The following KCNMA1 variants were observed in gnomAD, a reference collection of about 807,000 sequenced individuals.
The protein encoded by KCNMA1 is potassium calcium-activated channel subfamily M alpha 1, also known as Calcium-activated potassium channel subunit alpha-1.
KCNMA1 carries 29 observed loss-of-function variants against 140.0 expected under a neutral mutation model. That is an observed-to-expected ratio of 0.21 (90% CI 0.15 to 0.28). The LOEUF is 0.28. KCNMA1 is among the 10% of genes least tolerant of loss of function. KCNMA1 has a pLI of 1.00. For synonymous variants in KCNMA1, 612 were observed against 611.9 expected, an observed-to-expected ratio of 1.00 and a Z score of 0.00; for missense variants, 880 against 1,602.2, an observed-to-expected ratio of 0.55 and a Z score of 7.70.
intron 1 of KCNMA1, among the ~76,000 whole-genome samples, chr10:77,494,982 T>C (rs765768308): frequency 2.0e-5 from 3 of 152,226 alleles, no homozygotes; most frequent in Admixed American, 6.5e-5. Context: ...TTTATAAATA[T>C]GACACCAGTT....
chr10:77,409,480 G>A (rs1443680368), intron 1 of KCNMA1, among the ~76,000 whole-genome samples: 2 of 152,132 alleles, frequency 1.3e-5, no homozygotes, highest in Non-Finnish European at 2.9e-5. Flanking sequence ...TAAGACAATT[G>A]CTCCAAATCT....
intron 1 of KCNMA1, among the ~76,000 whole-genome samples, chr10:77,510,197 A>G (rs1440327201): frequency 6.6e-6 from 1 of 151,678 alleles, no homozygotes; most frequent in Admixed American, 6.6e-5. Context: ...CCTGGACCTC[A>G]GATTGCTCAT....
At chr10:77,600,078 T>C (rs2082158862) in intron 1 of KCNMA1, among the ~76,000 whole-genome samples, 2 of 152,196 alleles carry the variant, frequency 1.3e-5, no homozygotes, top group Non-Finnish European at 2.9e-5. Flanking sequence ...GCATCATTTT[T>C]TCAGGATGAG....
intron 1 of KCNMA1, among the ~76,000 whole-genome samples, chr10:77,602,202 G>A (rs2082878515): frequency 6.6e-6 from 1 of 152,138 alleles, no homozygotes; most frequent in Non-Finnish European, 1.5e-5. Flanking sequence ...GGGGGAGACG[G>A]GGATGCGCTT....
At chr10:77,163,972 T>G (rs1261247557) in intron 5 of KCNMA1, among the ~76,000 whole-genome samples, 2 of 152,108 alleles carry the variant, frequency 1.3e-5, no homozygotes, top group Admixed American at 6.6e-5. Context: ...ATTAATTCAT[T>G]AGGAGAAGAA....
chr10:76,895,559 G>T (rs955880829), intron 25 of KCNMA1, among the ~76,000 whole-genome samples: 3 of 152,156 alleles, frequency 2.0e-5, no homozygotes, highest in African/African-American at 7.2e-5. Flanking sequence ...GCTAATGAAT[G>T]CATGCACAAA....
intron 2 of KCNMA1, among the ~76,000 whole-genome samples, chr10:77,379,200 T>C (rs1293100704): frequency 6.6e-6 from 1 of 152,238 alleles, no homozygotes; most frequent in African/African-American, 2.4e-5. Context: ...GACGGAATTC[T>C]GAGCCTTTTT....
intron 1 of KCNMA1, among the ~76,000 whole-genome samples, chr10:77,537,156 G>A (rs1018257740): frequency 1.3e-5 from 2 of 152,182 alleles, no homozygotes; most frequent in Non-Finnish European, 2.9e-5. Flanking sequence ...GACAGGAACT[G>A]TGTCACCTAA....
chr10:77,011,620 G>A (rs888068505), intron 18 of KCNMA1, among the ~76,000 whole-genome samples: 3 of 152,090 alleles, frequency 2.0e-5, no homozygotes, highest in South Asian at 2.1e-4. Flanking sequence ...TGGAAATCAC[G>A]ATACAAAAAC....
intron 1 of KCNMA1, among the ~76,000 whole-genome samples, chr10:77,496,232 G>C (rs1180200160): frequency 6.6e-6 from 1 of 152,108 alleles, no homozygotes; most frequent in Non-Finnish European, 1.5e-5. Context: ...CTCACCAGGT[G>C]CGGGTCTTCA....
chr10:77,090,570 C>A, intron 9 of KCNMA1, 60 bp from the exon 10 acceptor site: 2 of 1,120,492 alleles, frequency 1.8e-6, no homozygotes, highest in South Asian at 2.5e-5. Context: ...TGCATCCCAC[C>A]CCCTGGCAAG....
chr10:77,082,340 T>A (rs2096601154), intron 12 of KCNMA1, among the ~76,000 whole-genome samples: 1 of 152,126 alleles, frequency 6.6e-6, no homozygotes, highest in Non-Finnish European at 1.5e-5. Flanking sequence ...GACCAGTAAT[T>A]TCTATGCCTC....
intron 1 of KCNMA1, among the ~76,000 whole-genome samples, chr10:77,427,141 T>G (rs985721094): frequency 7.9e-5 from 12 of 152,220 alleles, no homozygotes; most frequent in African/African-American, 2.7e-4. Flanking sequence ...CAGCCCTTCC[T>G]GGTGCACATC....
At chr10:77,547,133 G>T (rs564707728) in intron 1 of KCNMA1, among the ~76,000 whole-genome samples, 33 of 152,312 alleles carry the variant, frequency 2.2e-4, no homozygotes, top group African/African-American at 7.9e-4. Context: ...CAAAATGAAA[G>T]ATGCTAATAG....
chr10:77,633,308 C>T lies in KCNMA1; in HGVS notation c.378+3957G>A, dbSNP rs562457237. Among the ~76,000 whole-genome samples the T allele has an allele frequency of 2.0e-5, 3 of 151,786 alleles. 1 individual carries two copies. The South Asian group carries it at 6.2e-4, about 32-fold the overall frequency. The stretch of plus-strand genomic sequence containing the variant: ...CCAGCCTGGGTGACAGAGCGAGACT[C>T]CATCTCAAAAAAAAAAATTAATAAA... On this transcript the variant is annotated intron_variant, in intron 1 of 27. Transcript: ENST00000286628.
At position 77,152,278 on chromosome 10, in the gene KCNMA1, T is replaced by TTGTGTGTG. The variant is rs72088425; in HGVS notation, c.808+31135_808+31142dup. Among the ~76,000 whole-genome samples the TTGTGTGTG allele has an allele frequency of 3.2e-3, 314 of 99,172 alleles. 1 individual carries two copies. The highest frequency in any genetic ancestry group is 0.013 in the Middle Eastern group (3 of 226). The allele number at this position is 99,172 out of a possible 152,430, so 65.1% of individuals were successfully genotyped here. Reference sequence around the variant, plus strand: ...TGGAGACTCTTCTGTTTTTTTGCTTTTGTGTGTGTGTGTGTGTGTGTGTGT... The same window carrying TTGTGTGTG: ...TGGAGACTCTTCTGTTTTTTTGCTTTTGTGTGTGTGTGTGTGTGTGTGTGTGTGTGTGT... On this transcript the variant is annotated intron_variant, in intron 5 of 27. Coordinates refer to ENST00000286628, the MANE Select transcript of KCNMA1 (RefSeq NM_001161352.2).
chr10:77,406,627 C>T (rs1035529488), intron 1 of KCNMA1, among the ~76,000 whole-genome samples: 16 of 152,100 alleles, frequency 1.1e-4, no homozygotes, highest in Admixed American at 2.0e-4. Context: ...TAGTATGGCT[C>T]GGTGACTGCT....
intron 22 of KCNMA1, among the ~76,000 whole-genome samples, chr10:76,947,890 T>A (rs552563094): frequency 5.0e-4 from 76 of 152,346 alleles, no homozygotes; most frequent in African/African-American, 1.8e-3. Context: ...TTTCCCCCCA[T>A]TTCTGAGGTT....
rs2076256326 is a variant in KCNMA1 at position 77,300,389 on chromosome 10, TG to T, written c.541-49134del. On this transcript the variant is annotated intron_variant, in intron 2 of 27. Transcript: ENST00000286628. ...TGCCTCAACTCCCTCCCCCATACAA[TG>T]GGGAGGATGTTAGCATCTATCTCAC... is the stretch of plus-strand genomic sequence containing the variant. 2.6e-5 allele frequency among the ~76,000 whole-genome samples: 4 copies of T among 152,258 alleles called. No homozygotes were observed. In the South Asian group the frequency reaches 8.3e-4, roughly 32 times the overall value.
Sources: gnomAD v4.1 joint callset for allele counts (sites outside exome capture counted in the v4.1 genomes callset) on GRCh38, gnomAD v4.1.1 for gene constraint, MANE v1.5 for transcripts, NCBI Gene and HGNC (gene_info 2026-07-23, HGNC 2026-07-21) for gene names.